Variants in LOC400499 observed in about 807,000 individuals in gnomAD.
chr16:11,497,996 A>G, the LOC400499 span, among the ~76,000 whole-genome samples: 1 of 152,166 alleles, frequency 6.6e-6, no homozygotes, highest in East Asian at 1.9e-4. Flanking sequence ...TATTAAGCTG[A>G]TTTCACTTTT....
the LOC400499 span, chr16:11,423,035 G>T: frequency 2.5e-6 from 1 of 397,224 alleles, no homozygotes; most frequent in South Asian, 1.4e-4. Context: ...GCTTTTGAAG[G>T]AGGGGGACCA....
the LOC400499 span, among the ~76,000 whole-genome samples, chr16:11,481,602 C>A: frequency 7.9e-5 from 12 of 152,230 alleles, no homozygotes; most frequent in South Asian, 2.3e-3. Context: ...GGATTGCAGG[C>A]ATAAGCCACC....
the LOC400499 span, chr16:11,424,379 A>G: frequency 7.5e-6 from 3 of 399,212 alleles, no homozygotes; most frequent in Non-Finnish European, 4.4e-6. Flanking sequence ...GAGTGGGCAG[A>G]GCCCCAGAGA....
the LOC400499 span, chr16:11,462,242 T>C: frequency 6.5e-7 from 1 of 1,532,384 alleles, no homozygotes; most frequent in Admixed American, 2.0e-5. Context: ...CAGTTTCACC[T>C]CCAGCTGCGC....
chr16:11,398,508 C>G, the LOC400499 span: 38 of 1,232,220 alleles, frequency 3.1e-5, no homozygotes, highest in Non-Finnish European at 3.8e-5. Flanking sequence ...TGGCCAATGC[C>G]TCTGGAATGA....
the LOC400499 span, chr16:11,488,925 G>A: frequency 1.5e-5 from 6 of 398,216 alleles, no homozygotes; most frequent in African/African-American, 6.2e-5. Flanking sequence ...AGGAGCTGGC[G>A]CTGTCCAGAG....
chr16:11,463,104 G>A, the LOC400499 span, among the ~76,000 whole-genome samples: 1 of 152,192 alleles, frequency 6.6e-6, no homozygotes, highest in East Asian at 1.9e-4. Context: ...CTGGTCAGTG[G>A]TGCAGACCTG....
At chr16:11,397,274 T>A in the LOC400499 span, among the ~76,000 whole-genome samples, 1 of 152,142 alleles carries the variant, frequency 6.6e-6, no homozygotes, top group South Asian at 2.1e-4. Context: ...TGCCCACTCT[T>A]GTAAATGCTT....
chr16:11,403,846 G>A, the LOC400499 span, among the ~76,000 whole-genome samples: 4 of 152,174 alleles, frequency 2.6e-5, no homozygotes, highest in Non-Finnish European at 5.9e-5. Flanking sequence ...CAACTGCCCA[G>A]GGATGCCACC....
the LOC400499 span, among the ~76,000 whole-genome samples, chr16:11,525,292 CAA>C: frequency 0.17 from 21,415 of 124,674 alleles, 2,128 homozygotes; most frequent in African/African-American, 0.31. Flanking sequence ...GACCTTGTCC[CAA>C]AAAAAAAAAA....
At chr16:11,441,057 T>C in the LOC400499 span, 1 of 399,064 alleles carries the variant, frequency 2.5e-6, no homozygotes, top group Non-Finnish European at 4.4e-6. Context: ...CAAAGTGGCC[T>C]CGACCTCTCT....
the LOC400499 span, among the ~76,000 whole-genome samples, chr16:11,484,242 C>T: frequency 3.6e-4 from 54 of 152,040 alleles, no homozygotes; most frequent in African/African-American, 1.2e-3. Flanking sequence ...CTCCTGACCT[C>T]GTGATCCGCC....
the LOC400499 span, among the ~76,000 whole-genome samples, chr16:11,525,294 A>C: frequency 0.012 from 1,020 of 85,852 alleles, 10 homozygotes; most frequent in African/African-American, 0.064. Context: ...CCTTGTCCCA[A>C]AAAAAAAAAA....
the LOC400499 span, chr16:11,519,104 C>T: frequency 4.8e-5 from 19 of 396,812 alleles, no homozygotes; most frequent in South Asian, 4.2e-4. Context: ...CAGAGAGACC[C>T]CTCCCTTGAC....
chr16:11,373,754 G>C, the LOC400499 span, among the ~76,000 whole-genome samples: 3 of 152,098 alleles, frequency 2.0e-5, no homozygotes, highest in Non-Finnish European at 4.4e-5. Context: ...CAAGTAGCTG[G>C]GATTACAGGT....
the LOC400499 span, chr16:11,459,906 T>G: frequency 7.0e-7 from 1 of 1,432,504 alleles, no homozygotes; most frequent in Non-Finnish European, 9.2e-7. Flanking sequence ...CTCCATGAAG[T>G]GATTGCTCAG....
the LOC400499 span, among the ~76,000 whole-genome samples, chr16:11,468,281 G>A: frequency 2.0e-5 from 3 of 152,162 alleles, no homozygotes; most frequent in Admixed American, 6.6e-5. Flanking sequence ...CAGGAAATTT[G>A]GGACATGGCA....
the LOC400499 span, among the ~76,000 whole-genome samples, chr16:11,461,523 A>G: frequency 6.6e-6 from 1 of 152,294 alleles, no homozygotes; most frequent in South Asian, 2.1e-4. Flanking sequence ...GCCTGGCCCA[A>G]AAATAAAGTA....
chr16:11,491,570 G>T, the LOC400499 span: 2 of 387,374 alleles, frequency 5.2e-6, no homozygotes, highest in African/African-American at 4.2e-5. Context: ...AGAAACAGGG[G>T]AACAAGAACA....
Sources: allele counts gnomAD v4.1 joint callset (sites outside exome capture counted in the v4.1 genomes callset), GRCh38; gene constraint gnomAD v4.1.1; transcripts MANE v1.5.